The following MTHFS variants were observed in gnomAD, a reference collection of about 807,000 sequenced individuals.
MTHFS encodes 5-formyltetrahydrofolate cyclo-ligase.
MTHFS carries 7 observed loss-of-function variants against 12.7 expected under a neutral mutation model. The ratio of observed to expected loss-of-function variants is 0.55; its 90% confidence interval spans 0.31 to 1.03. MTHFS has a LOEUF of 1.03. Ranked by LOEUF, MTHFS falls within the 50% of genes least tolerant of loss-of-function variation. The pLI is 0.05. For missense variants in MTHFS, 252 were observed against 258.1 expected (o/e 0.98, Z 0.16); for synonymous variants, 100 against 97.1 (o/e 1.03, Z -0.18).
intron 2 of MTHFS, among the ~76,000 whole-genome samples, chr15:79,849,903 T>A (rs993463107): frequency 6.6e-6 from 1 of 152,254 alleles, no homozygotes. Context: ...CAACCCCACA[T>A]ACTGCATTTA....
rs76931395 is a variant in MTHFS, at chr15:79,888,970, T to C, written c.379+123A>G. On this transcript the variant is annotated intron_variant, in intron 2 of 2. Transcript: ENST00000258874. Reference sequence around the variant, plus strand: ...CAGGTAATACAGGTGTCTTGGAACGTAGGCAAAATACAAATTAATCCCTTA... The same window carrying C: ...CAGGTAATACAGGTGTCTTGGAACGCAGGCAAAATACAAATTAATCCCTTA... 5.6e-3 allele frequency: 8,016 copies of C among 1,430,278 alleles called. 413 individuals carry two copies. The African/African-American group carries it at 0.1, about 18-fold the overall frequency. The allele number at this position is 1,430,278 out of a possible 1,614,324, so 88.6% of individuals were successfully genotyped here. A position where few individuals can be genotyped will look rare whatever the true frequency, so the allele number is the denominator to read the frequency against.
intron 1 of MTHFS, among the ~76,000 whole-genome samples, chr15:79,894,274 G>A (rs1172287974): frequency 1.3e-5 from 2 of 152,138 alleles, no homozygotes; most frequent in Non-Finnish European, 2.9e-5. Context: ...CCAGCTACTT[G>A]GGAGGCTGAG....
intron 2 of MTHFS, among the ~76,000 whole-genome samples, chr15:79,868,236 C>T (rs1596071205): frequency 6.6e-6 from 1 of 152,064 alleles, no homozygotes; most frequent in African/African-American, 2.4e-5. Context: ...TTTTATATCA[C>T]CTTTTTCTTT....
intron 1 of MTHFS, among the ~76,000 whole-genome samples, chr15:79,891,000 G>A (rs8040104): frequency 0.13 from 19,750 of 152,192 alleles, 1,665 homozygotes; most frequent in East Asian, 0.31. Context: ...GTGAGACTGT[G>A]CATGCATATT....
At chr15:79,890,556 G>T (rs2034457302) in intron 1 of MTHFS, among the ~76,000 whole-genome samples, 1 of 151,558 alleles carries the variant, frequency 6.6e-6, no homozygotes, top group African/African-American at 2.4e-5. Context: ...TTCCTTTTCT[G>T]TTCCTCCCTA....
At chr15:79,895,238 C>G (rs2034548128) in intron 1 of MTHFS, among the ~76,000 whole-genome samples, 1 of 152,194 alleles carries the variant, frequency 6.6e-6, no homozygotes, top group Admixed American at 6.5e-5. Flanking sequence ...CATCTCTTGC[C>G]TAAATATCCC....
At chr15:79,895,952 T>C (rs2034560215) in intron 1 of MTHFS, among the ~76,000 whole-genome samples, 1 of 152,164 alleles carries the variant, frequency 6.6e-6, no homozygotes, top group Admixed American at 6.5e-5. Context: ...GACATTAAAT[T>C]TTTCTTCCTC....
chr15:79,893,353 G>C (rs931999630), intron 1 of MTHFS, among the ~76,000 whole-genome samples: 2 of 151,792 alleles, frequency 1.3e-5, no homozygotes, highest in Non-Finnish European at 2.9e-5. Flanking sequence ...AGTGAGCCAA[G>C]ATTGCGCCAC....
At chr15:79,888,828 A>G (rs1371439357) in intron 2 of MTHFS, among the ~76,000 whole-genome samples, 1 of 152,260 alleles carries the variant, frequency 6.6e-6, no homozygotes, top group Non-Finnish European at 1.5e-5. Flanking sequence ...ACCACAGGAA[A>G]TAATTATTCA....
intron 2 of MTHFS, chr15:79,876,660 A>G (rs1259919915): frequency 5.3e-5 from 8 of 151,802 alleles, no homozygotes; most frequent in Admixed American, 5.3e-4. Flanking sequence ...TCCTAGAATT[A>G]AATGAATATA....
At chr15:79,860,371 A>C (rs909660922) in intron 2 of MTHFS, among the ~76,000 whole-genome samples, 1 of 152,058 alleles carries the variant, frequency 6.6e-6, no homozygotes, top group African/African-American at 2.4e-5. Flanking sequence ...CCTGGGCAAC[A>C]GAGCGAGACT....
chr15:79,843,876 C>A lies in MTHFS; in HGVS notation c.*1334G>T, dbSNP rs1318622226. ...ACACTCACTCTGCTTGGGAAAGTAG[C>A]AGAAGACTTCACAGAAGAGGTGATG... On this transcript the variant is annotated 3_prime_UTR_variant, in exon 3 of 3. Coordinates refer to ENST00000258874, the MANE Select transcript of MTHFS (RefSeq NM_006441.4). 2.0e-5 allele frequency: 3 copies of A among 152,364 alleles called. No individual in the cohort carries two copies. In the East Asian group the frequency reaches 5.8e-4, roughly 29 times the overall value. 9.4% of individuals were successfully genotyped at this position (152,364 alleles called of 1,614,324 possible). A position where few individuals can be genotyped will look rare whatever the true frequency, so the allele number is the denominator to read the frequency against.
rs2033576036 is a variant in MTHFS, at chr15:79,844,584, C to A, written c.*626G>T. ...ATTTCTAACTTATAAGATACTAGAT[C>A]TTAAACTCATCAAGGGCTGATACAT... On this transcript the variant is annotated 3_prime_UTR_variant, in exon 3 of 3. Coordinates refer to ENST00000258874, the MANE Select transcript of MTHFS (RefSeq NM_006441.4). Among the ~76,000 whole-genome samples the A allele has an allele frequency of 6.6e-6, 1 of 152,034 alleles. No individual in the cohort carries two copies. The highest frequency in any genetic ancestry group is 6.6e-5 in the Admixed American group (1 of 15,262).
In MTHFS at chr15:79,879,856, T is replaced by G. The variant is rs16971480; in HGVS notation, c.379+9237A>C. 0.018 allele frequency among the ~76,000 whole-genome samples: 2,768 copies of G among 152,318 alleles called. 219 individuals carry two copies. In the East Asian group the frequency reaches 0.26, roughly 14 times the overall value. ...CAAAATTTCTTTCCTAGCTCTTTCT[T>G]GTTTTTTAATTAATCACAGGACTTC... On this transcript the variant is annotated intron_variant, in intron 2 of 2. Coordinates refer to ENST00000258874, the MANE Select transcript of MTHFS (RefSeq NM_006441.4).
rs71150999 is a variant in MTHFS, at chr15:79,890,207, CTTTTTTTTTTTTTTTTT to C, written c.118-870_118-854del. On this transcript the variant is annotated intron_variant, in intron 1 of 2. Coordinates refer to ENST00000258874, the MANE Select transcript of MTHFS (RefSeq NM_006441.4). ...AGTTAGCCCTTCGCTCTCTTTTTTC[CTTTTTTTTTTTTTTTTT>C]TTTTTTTTTTTGAGACAGGGTCTCC... is the stretch of plus-strand genomic sequence containing the variant. Among the ~76,000 whole-genome samples, 728 of 100,778 alleles carry C rather than the reference CTTTTTTTTTTTTTTTTT, an allele frequency of 7.2e-3. 10 individuals are homozygous for C. Among genetic ancestry groups the C allele is most frequent in the African/African-American group, 0.025 (691 of 27,236 alleles). The allele number at this position is 100,778 out of a possible 152,430, so 66.1% of individuals were successfully genotyped here.
chr15:79,848,987 C>T (rs942736074), intron 2 of MTHFS, among the ~76,000 whole-genome samples: 2 of 151,660 alleles, frequency 1.3e-5, no homozygotes, highest in Admixed American at 1.3e-4. Context: ...CTCAAAGAGG[C>T]AAAAAAATAA....
chr15:79,896,685 G>A (rs1017179106), intron 1 of MTHFS, 187 bp downstream of exon 1: 4 of 1,105,050 alleles, frequency 3.6e-6, no homozygotes, highest in Admixed American at 3.4e-5. Context: ...CCCCGCCATA[G>A]TGCCAAGAGC....
At chr15:79,854,491 C>T (rs2033767635) in intron 2 of MTHFS, among the ~76,000 whole-genome samples, 1 of 152,168 alleles carries the variant, frequency 6.6e-6, no homozygotes, top group Admixed American at 6.5e-5. Flanking sequence ...TTCCTTGCCA[C>T]TAAGCAAGTA....
rs2033584797 is a variant in MTHFS at position 79,845,097 on chromosome 15, G to A, written c.*113C>T. On this transcript the variant is annotated 3_prime_UTR_variant, in exon 3 of 3. Transcript: ENST00000258874. ...TTCATAATTACAATTTTAAAATGCA[G>A]TCTGTATTCACATTAATGAACAATT... The A allele has an allele frequency of 7.4e-7, 1 of 1,346,032 alleles. No individual in the cohort carries two copies. The allele number at this position is 1,346,032 out of a possible 1,614,324, so 83.4% of individuals were successfully genotyped here.
Sources: allele counts gnomAD v4.1 joint callset (sites outside exome capture counted in the v4.1 genomes callset), GRCh38; gene constraint gnomAD v4.1.1; transcripts MANE v1.5; gene names NCBI Gene and HGNC (gene_info 2026-07-23, HGNC 2026-07-21).